Variants in USP49 observed in about 807,000 individuals in gnomAD.
USP49 encodes ubiquitin carboxyl-terminal hydrolase 49.
In USP49, 24 loss-of-function variants were observed where a neutral mutation model predicts 58.6. The observed-to-expected ratio is 0.41, with a 90% CI of 0.30 to 0.58. USP49 has a LOEUF of 0.58. Ranked by LOEUF, USP49 falls within the 20% of genes least tolerant of loss-of-function variation. The pLI, the probability that USP49 is intolerant of heterozygous loss-of-function variation, is 0.30. For missense variants in USP49, 703 were observed against 866.1 expected, an observed-to-expected ratio of 0.81 and a Z score of 2.36; for synonymous variants, 408 against 365.1, an observed-to-expected ratio of 1.12 and a Z score of -1.34.
chr6:41,844,329 C>A (rs1169308608), intron 3 of USP49, among the ~76,000 whole-genome samples: 1 of 140,180 alleles, frequency 7.1e-6, no homozygotes. Context: ...TTTTTTTTTT[C>A]TTTCTTTGAG....
intron 3 of USP49, among the ~76,000 whole-genome samples, chr6:41,863,769 G>GTATT (rs530072109): frequency 6.6e-6 from 1 of 152,032 alleles, no homozygotes; most frequent in Non-Finnish European, 1.5e-5. Flanking sequence ...CTAAACCTCA[G>GTATT]TATTTATTTA....
At chr6:41,804,098 C>A in intron 4 of USP49, 88 bp from the exon 5 acceptor site, 1 of 1,181,128 alleles carries the variant, frequency 8.5e-7, no homozygotes, top group South Asian at 1.5e-5. Context: ...CACACTTTAT[C>A]AAAACTAAGT....
At chr6:41,815,815 G>T (rs1773339561) in intron 3 of USP49, among the ~76,000 whole-genome samples, 1 of 152,206 alleles carries the variant, frequency 6.6e-6, no homozygotes, top group Non-Finnish European at 1.5e-5. Context: ...TCACTCATTT[G>T]TCACCAGTAA....
chr6:41,829,189 T>C (rs1773592438), intron 3 of USP49, among the ~76,000 whole-genome samples: 1 of 152,204 alleles, frequency 6.6e-6, no homozygotes, highest in Non-Finnish European at 1.5e-5. Flanking sequence ...CAAATAAATA[T>C]TTAACGACCA....
At chr6:41,820,514 T>C (rs550487078) in intron 3 of USP49, among the ~76,000 whole-genome samples, 1 of 152,114 alleles carries the variant, frequency 6.6e-6, no homozygotes, top group Admixed American at 6.6e-5. Context: ...CTCTGATATA[T>C]TTATAGGTGA....
intron 3 of USP49, among the ~76,000 whole-genome samples, chr6:41,820,565 G>A (rs1773435879): frequency 6.6e-6 from 1 of 150,398 alleles, no homozygotes; most frequent in African/African-American, 2.5e-5. Flanking sequence ...TTGCTTTGAA[G>A]TACTCCAGGA....
chr6:41,853,142 C>T (rs551515328), intron 3 of USP49, among the ~76,000 whole-genome samples: 3 of 152,164 alleles, frequency 2.0e-5, no homozygotes, highest in South Asian at 2.1e-4. Context: ...GCCGAGATGG[C>T]GCCATTGCAC....
intron 3 of USP49, among the ~76,000 whole-genome samples, chr6:41,817,150 C>CTTTT (rs34281670): frequency 0.14 from 14,538 of 104,162 alleles, 1,539 homozygotes; most frequent in East Asian, 0.23. Flanking sequence ...CCCACGCATG[C>CTTTT]TTTTTTTTTT....
At chr6:41,840,397 A>T (rs950977852) in intron 3 of USP49, among the ~76,000 whole-genome samples, 4 of 151,802 alleles carry the variant, frequency 2.6e-5, no homozygotes, top group African/African-American at 7.3e-5. Flanking sequence ...AAAGAAAATT[A>T]AAAAAATAAG....
chr6:41,861,997 C>T (rs939851781), intron 3 of USP49, among the ~76,000 whole-genome samples: 2 of 152,168 alleles, frequency 1.3e-5, no homozygotes, highest in African/African-American at 4.8e-5. Context: ...CCACCGCACC[C>T]GGCCATGTCA....
intron 3 of USP49, among the ~76,000 whole-genome samples, chr6:41,841,756 G>A (rs376958900): frequency 1.8e-4 from 28 of 152,220 alleles, no homozygotes; most frequent in African/African-American, 2.9e-4. Context: ...GCACAGTTCC[G>A]TTTAAAAATG....
At chr6:41,846,279 T>G (rs1212697569) in intron 3 of USP49, among the ~76,000 whole-genome samples, 1 of 152,030 alleles carries the variant, frequency 6.6e-6, no homozygotes. Context: ...ATCGCGCCAC[T>G]GCACTCCAGC....
At chr6:41,837,559 G>A (rs1369516723) in intron 3 of USP49, among the ~76,000 whole-genome samples, 4 of 152,062 alleles carry the variant, frequency 2.6e-5, no homozygotes, top group Non-Finnish European at 5.9e-5. Flanking sequence ...ATTTCACGAC[G>A]AAGACCCCAA....
At chr6:41,838,731 G>T (rs1222314716) in intron 3 of USP49, among the ~76,000 whole-genome samples, 1 of 152,098 alleles carries the variant, frequency 6.6e-6, no homozygotes, top group African/African-American at 2.4e-5. Flanking sequence ...ACCCTCAAAA[G>T]ACCACACTAG....
At chr6:41,878,628 T>C (rs1013979757) in intron 2 of USP49, among the ~76,000 whole-genome samples, 1 of 152,218 alleles carries the variant, frequency 6.6e-6, no homozygotes, top group South Asian at 2.1e-4. Context: ...TTGGTAAAGT[T>C]CAGTCTGCCA....
At chr6:41,815,101 A>T (rs1322974321) in intron 3 of USP49, among the ~76,000 whole-genome samples, 1 of 152,178 alleles carries the variant, frequency 6.6e-6, no homozygotes, top group Non-Finnish European at 1.5e-5. Flanking sequence ...AAAAAGATTT[A>T]AAAATCAAGC....
chr6:41,796,710 G>GTT lies in USP49; in HGVS notation c.1889_1890insAA (p.His630GlnfsTer8). ...ATACATTCAGCTTTGAGTCATTGCA[G>GTT]TGGACCCAAAAACCTAGGAAACCAA... On this transcript the variant is annotated frameshift_variant, in exon 8 of 8. Transcript: ENST00000682992. LOFTEE classifies it high-confidence loss of function. 1 of 717,110 alleles carries GTT rather than the reference G, an allele frequency of 1.4e-6. No individual in the cohort carries two copies. The highest frequency in any genetic ancestry group is 2.6e-6 in the Non-Finnish European group (1 of 384,980). The allele number at this position is 717,110 out of a possible 1,614,324, so 44.4% of individuals were successfully genotyped here.
intron 3 of USP49, among the ~76,000 whole-genome samples, chr6:41,856,521 A>G (rs148139193): frequency 1.7e-3 from 262 of 152,378 alleles, no homozygotes; most frequent in African/African-American, 6.1e-3. Context: ...TTTGCAGAAG[A>G]AACACTCCGA....
chr6:41,859,498 T>C (rs1298403315), intron 3 of USP49, among the ~76,000 whole-genome samples: 1 of 152,198 alleles, frequency 6.6e-6, no homozygotes, highest in Non-Finnish European at 1.5e-5. Flanking sequence ...CTTTCCCTTA[T>C]TCAGCATCTA....
Sources: allele counts gnomAD v4.1 joint callset (sites outside exome capture counted in the v4.1 genomes callset), GRCh38; gene constraint gnomAD v4.1.1; transcripts MANE v1.5; gene names NCBI Gene and HGNC (gene_info 2026-07-23, HGNC 2026-07-21).